SH2D4A: variants seen among roughly 807,000 people sequenced by gnomAD.
The protein encoded by SH2D4A is SH2 domain-containing protein 4A.
A neutral mutation model predicts 64.7 loss-of-function variants in SH2D4A; 70 were observed. That is an observed-to-expected ratio of 1.08 (90% confidence interval 0.89 to 1.32). The LOEUF (loss-of-function observed/expected upper bound fraction) is 1.32, where lower values mean the gene tolerates loss of function less well. Among genes scored for constraint, SH2D4A ranks in the 40% most tolerant of loss-of-function variants. The probability of loss-of-function intolerance (pLI) is 0.00; values close to 1 mark genes in which losing one functional copy is unlikely to be tolerated. For missense variants in SH2D4A, 706 were observed against 540.1 expected (o/e 1.31, Z -3.04); for synonymous variants, 268 against 200.7 (o/e 1.34, Z -2.83).
rs2052941279 is a variant in SH2D4A at position 19,364,070 on chromosome 8, A to T, written c.707-2A>T. The T allele has an allele frequency of 2.5e-6, 4 of 1,613,670 alleles. No homozygotes were observed. Among genetic ancestry groups the T allele is most frequent in the Non-Finnish European group, 3.4e-6 (4 of 1,179,900 alleles). The stretch of plus-strand genomic sequence containing the variant: ...TTTTCTCCGACCCCGTTGTTTTTCC[A>T]GTGCGAAAATCCAAAGCAGCTGATG... On this transcript the variant is annotated splice_acceptor_variant, in intron 6 of 9. Coordinates refer to ENST00000265807, the MANE Select transcript of SH2D4A (RefSeq NM_022071.4). LOFTEE classifies it high-confidence loss of function.
At chr8:19,328,678 A>G (rs1481470325) in intron 2 of SH2D4A, among the ~76,000 whole-genome samples, 4 of 152,174 alleles carry the variant, frequency 2.6e-5, no homozygotes, top group African/African-American at 9.7e-5. Context: ...AGCTTCCTCA[A>G]TCACTTTCTG....
intron 1 of SH2D4A, among the ~76,000 whole-genome samples, chr8:19,314,369 C>T (rs2052049572): frequency 6.6e-6 from 1 of 152,060 alleles, no homozygotes; most frequent in African/African-American, 2.4e-5. Context: ...ACGTTCCCCG[C>T]GCACCGGCAC....
intron 7 of SH2D4A, among the ~76,000 whole-genome samples, chr8:19,370,532 A>G (rs1380361502): frequency 6.6e-6 from 1 of 152,040 alleles, no homozygotes; most frequent in Non-Finnish European, 1.5e-5. Flanking sequence ...GGTCTGCTTT[A>G]TATGATATAA....
chr8:19,325,172 C>T (rs1481180404), intron 2 of SH2D4A, among the ~76,000 whole-genome samples: 1 of 152,138 alleles, frequency 6.6e-6, no homozygotes, highest in Non-Finnish European at 1.5e-5. Flanking sequence ...CTCCAGGAGC[C>T]ACGCTGTTTC....
In SH2D4A at chr8:19,358,957, A is replaced by G. The variant is rs141709163; in HGVS notation, c.594+1674A>G. On this transcript the variant is annotated intron_variant, in intron 5 of 9. Transcript: ENST00000265807. ...CCAGCCTCGGCCCCTCCGCCCCTCC[A>G]CTCCAAGCCATCACCTGGATTTCCC... Among the ~76,000 whole-genome samples the G allele has an allele frequency of 8.9e-3, 1,351 of 151,798 alleles. 13 individuals carry two copies. Among genetic ancestry groups the G allele is most frequent in the African/African-American group, 0.031 (1,272 of 41,388 alleles).
At chr8:19,351,370 G>A (rs1338040748) in intron 4 of SH2D4A, among the ~76,000 whole-genome samples, 4 of 152,128 alleles carry the variant, frequency 2.6e-5, no homozygotes, top group Admixed American at 6.5e-5. Flanking sequence ...TTGGGAGGCC[G>A]AGGCGGGTGG....
chr8:19,313,934 G>T (rs978430396), intron 1 of SH2D4A, 111 bp downstream of exon 1: 14 of 1,287,882 alleles, frequency 1.1e-5, no homozygotes, highest in Non-Finnish European at 1.2e-5. Context: ...GCAGGGGCCA[G>T]AGCGGGCGGG....
intron 4 of SH2D4A, among the ~76,000 whole-genome samples, chr8:19,356,756 G>A (rs923143696): frequency 1.3e-5 from 2 of 152,208 alleles, no homozygotes; most frequent in Non-Finnish European, 2.9e-5. Flanking sequence ...GGGCTCCCAC[G>A]CACCAAACTT....
Position 19,332,944 on chromosome 8 carries a change from T to A in SH2D4A, c.182-11T>A. ...TCAATCTGAATTTTTTGTTTGTGTG[T>A]TTGTTTGCAGAGAATGGCAAATCGG... On this transcript the variant is annotated splice_polypyrimidine_tract_variant and intron_variant, in intron 2 of 9. Coordinates refer to ENST00000265807, the MANE Select transcript of SH2D4A (RefSeq NM_022071.4). The A allele has an allele frequency of 1.2e-6, 2 of 1,606,586 alleles. No homozygotes were observed. Among genetic ancestry groups the A allele is most frequent in the Non-Finnish European group, 1.7e-6 (2 of 1,178,186 alleles).
chr8:19,373,778 C>T, intron 8 of SH2D4A, 118 bp downstream of exon 8: 1 of 1,326,904 alleles, frequency 7.5e-7, no homozygotes, highest in East Asian at 2.5e-5. Flanking sequence ...AAGAGTCTTT[C>T]AGATTATTTC....
At chr8:19,356,416 G>T (rs184917717) in intron 4 of SH2D4A, among the ~76,000 whole-genome samples, 2 of 152,122 alleles carry the variant, frequency 1.3e-5, no homozygotes, top group African/African-American at 4.8e-5. Flanking sequence ...TATACTTTGC[G>T]GTAATGTGGG....
intron 2 of SH2D4A, among the ~76,000 whole-genome samples, chr8:19,320,092 T>C (rs2052162753): frequency 6.6e-6 from 1 of 152,196 alleles, no homozygotes; most frequent in Admixed American, 6.5e-5. Context: ...CTTGTGTCAG[T>C]ATATTTATAG....
chr8:19,394,557 C>A lies in SH2D4A; in HGVS notation c.1280C>A (p.Pro427His). The A allele has an allele frequency of 6.2e-6, 10 of 1,604,690 alleles. No homozygotes were observed. The highest frequency in any genetic ancestry group is 8.5e-6 in the Non-Finnish European group (10 of 1,174,656). The change falls in exon 10 of 10, where the codon CCC (proline) becomes CAC (histidine). Residue 427 changes from proline (P) to histidine (H), a missense_variant. Physicochemically the swap from Pro to His is moderately conservative, Grantham distance 77. Transcript: ENST00000265807. ...ADLVEYHKEE[P>H]ITSLGKELLL... ...GTGCCTTCTGATTGACAGGAGGAACCCATCACTTCCCTGGGGAAGGAGCTC... is the reference window on the plus strand; with the variant it reads ...GTGCCTTCTGATTGACAGGAGGAACACATCACTTCCCTGGGGAAGGAGCTC...
chr8:19,382,704 GC>G (rs2053315120), intron 8 of SH2D4A, among the ~76,000 whole-genome samples: 1 of 151,970 alleles, frequency 6.6e-6, no homozygotes, highest in South Asian at 2.1e-4. Flanking sequence ...ATCTTTATTG[GC>G]CCACTGCTGT....
chr8:19,328,791 C>G (rs1300917018), intron 2 of SH2D4A, among the ~76,000 whole-genome samples: 1 of 152,218 alleles, frequency 6.6e-6, no homozygotes, highest in African/African-American at 2.4e-5. Flanking sequence ...TGTCACCTAG[C>G]AGGCCTGTGA....
chr8:19,371,372 G>A (rs1176764500), intron 7 of SH2D4A, among the ~76,000 whole-genome samples: 1 of 151,194 alleles, frequency 6.6e-6, no homozygotes, highest in Non-Finnish European at 1.5e-5. Context: ...TTTTCCTTCA[G>A]TCTCAGCATG....
At chr8:19,334,995 TC>T in intron 4 of SH2D4A, 138 bp downstream of exon 4, 1 of 1,061,466 alleles carries the variant, frequency 9.4e-7, no homozygotes. Context: ...AACTTTAAGA[TC>T]CTCCAGGGCA....
At chr8:19,372,769 A>C (rs115246210) in intron 7 of SH2D4A, among the ~76,000 whole-genome samples, 1 of 152,200 alleles carries the variant, frequency 6.6e-6, no homozygotes, top group African/African-American at 2.4e-5. Context: ...ATCTATTTCA[A>C]AATGATTCTG....
chr8:19,385,046 T>A (rs564917127), intron 8 of SH2D4A, among the ~76,000 whole-genome samples: 1 of 152,222 alleles, frequency 6.6e-6, no homozygotes, highest in Non-Finnish European at 1.5e-5. Flanking sequence ...ATGAAATCTT[T>A]CCATCTTGAT....
Sources: gnomAD v4.1 joint callset for allele counts (sites outside exome capture counted in the v4.1 genomes callset) on GRCh38, gnomAD v4.1.1 for gene constraint, MANE v1.5 for transcripts, NCBI Gene and HGNC (gene_info 2026-07-23, HGNC 2026-07-21) for gene names.